ELMO1: variants seen among roughly 807,000 people sequenced by gnomAD.
ELMO1 encodes engulfment and cell motility protein 1.
ELMO1 carries 26 observed loss-of-function variants against 98.9 expected under a neutral mutation model. That is an observed-to-expected ratio of 0.26 (90% confidence interval 0.19 to 0.36). The LOEUF is 0.36. Ranked by LOEUF, ELMO1 falls within the 10% of genes least tolerant of loss-of-function variation. The probability of loss-of-function intolerance (pLI) is 1.00; values close to 1 mark genes in which losing one functional copy is unlikely to be tolerated. For missense variants in ELMO1, 627 were observed against 935.2 expected (o/e 0.67, Z 4.30); for synonymous variants, 346 against 346.0 (o/e 1.00, Z 0.00).
At chr7:37,058,571 C>T (rs1796510248) in intron 15 of ELMO1, among the ~76,000 whole-genome samples, 1 of 152,066 alleles carries the variant, frequency 6.6e-6, no homozygotes, top group African/African-American at 2.4e-5. Context: ...GAGGTACTGA[C>T]GCGAAATGAT....
intron 1 of ELMO1, among the ~76,000 whole-genome samples, chr7:37,423,388 T>G (rs999462994): frequency 6.6e-6 from 1 of 152,186 alleles, no homozygotes; most frequent in African/African-American, 2.4e-5. Context: ...GAGACCAGCC[T>G]GGCCAACATG....
At chr7:37,157,221 G>C (rs573854016) in intron 13 of ELMO1, among the ~76,000 whole-genome samples, 65 of 152,232 alleles carry the variant, frequency 4.3e-4, no homozygotes, top group African/African-American at 1.5e-3. Context: ...ACTGAATGGG[G>C]AAAAACTGGA....
intron 4 of ELMO1, among the ~76,000 whole-genome samples, chr7:37,303,503 A>G (rs996055193): frequency 6.6e-6 from 1 of 152,208 alleles, no homozygotes; most frequent in Non-Finnish European, 1.5e-5. Flanking sequence ...GTATGCTTAG[A>G]AGATCTGCAA....
intron 13 of ELMO1, among the ~76,000 whole-genome samples, chr7:37,192,968 G>GATAT (rs1791712338): frequency 4.2e-5 from 4 of 94,228 alleles, no homozygotes; most frequent in Non-Finnish European, 6.0e-5. Context: ...ATATATATAG[G>GATAT]AGATATATAT....
At chr7:37,204,291 G>A (rs541442563) in intron 13 of ELMO1, 18 of 449,002 alleles carry the variant, frequency 4.0e-5, no homozygotes, top group Admixed American at 3.8e-4. Context: ...TCCTTCTGAT[G>A]TTCGGACATG....
intron 4 of ELMO1, among the ~76,000 whole-genome samples, chr7:37,276,346 A>T (rs1431290402): frequency 6.6e-6 from 1 of 152,134 alleles, no homozygotes; most frequent in Non-Finnish European, 1.5e-5. Flanking sequence ...CGGTGGCTCA[A>T]GCCTGTAATC....
intron 13 of ELMO1, among the ~76,000 whole-genome samples, chr7:37,181,159 A>T (rs1268674840): frequency 6.6e-6 from 1 of 152,180 alleles, no homozygotes; most frequent in African/African-American, 2.4e-5. Flanking sequence ...CAGGGGTCAC[A>T]GTTGCCTGGA....
chr7:37,351,982 C>T (rs1323355767), intron 1 of ELMO1, among the ~76,000 whole-genome samples: 1 of 152,206 alleles, frequency 6.6e-6, no homozygotes, highest in Non-Finnish European at 1.5e-5. Context: ...ATTTCCCACA[C>T]AGCACCGCTT....
At chr7:36,955,547 T>G (rs1788374169) in intron 16 of ELMO1, among the ~76,000 whole-genome samples, 1 of 152,200 alleles carries the variant, frequency 6.6e-6, no homozygotes, top group African/African-American at 2.4e-5. Context: ...TCTTGGAGTA[T>G]GTAAGTATCA....
At chr7:36,959,688 A>AT (rs1334594714) in intron 16 of ELMO1, among the ~76,000 whole-genome samples, 1 of 152,032 alleles carries the variant, frequency 6.6e-6, no homozygotes, top group Admixed American at 6.5e-5. Context: ...CTAATTTTTT[A>AT]TTTTTTGAGA....
intron 13 of ELMO1, among the ~76,000 whole-genome samples, chr7:37,191,588 T>A (rs1206368788): frequency 1.3e-5 from 2 of 152,138 alleles, no homozygotes; most frequent in East Asian, 3.9e-4. Context: ...TATAGGAGAA[T>A]GTTTAGATAA....
chr7:37,100,569 C>T (rs1784585898), intron 14 of ELMO1, among the ~76,000 whole-genome samples: 1 of 152,252 alleles, frequency 6.6e-6, no homozygotes, highest in African/African-American at 2.4e-5. Flanking sequence ...CTCTCTTCCA[C>T]TCTCTGTTGA....
intron 13 of ELMO1, among the ~76,000 whole-genome samples, chr7:37,169,326 G>A (rs975547412): frequency 3.9e-5 from 6 of 152,142 alleles, no homozygotes; most frequent in South Asian, 2.1e-4. Flanking sequence ...GCTTCGGCTC[G>A]TGCATCGTGC....
intron 16 of ELMO1, among the ~76,000 whole-genome samples, chr7:36,941,370 A>C (rs1384574691): frequency 6.6e-6 from 1 of 152,222 alleles, no homozygotes; most frequent in African/African-American, 2.4e-5. Flanking sequence ...TGTTTTTCAG[A>C]GTAAGCTCTG....
chr7:37,005,578 G>A (rs908045469), intron 16 of ELMO1, among the ~76,000 whole-genome samples: 1 of 151,306 alleles, frequency 6.6e-6, no homozygotes, highest in African/African-American at 2.4e-5. Flanking sequence ...TGTAATCTCA[G>A]CTATTTGGGA....
chr7:37,168,322 T>G (rs1206375232), intron 13 of ELMO1, among the ~76,000 whole-genome samples: 2 of 152,164 alleles, frequency 1.3e-5, no homozygotes, highest in Non-Finnish European at 2.9e-5. Context: ...GTCTGAAGCC[T>G]TCTTCTCTGA....
intron 7 of ELMO1, among the ~76,000 whole-genome samples, chr7:37,239,239 C>T (rs1208382856): frequency 6.6e-6 from 1 of 152,074 alleles, no homozygotes; most frequent in Non-Finnish European, 1.5e-5. Flanking sequence ...GACGTCGGCT[C>T]ACTGAAACCT....
At chr7:37,372,450 G>A (rs1012587843) in intron 1 of ELMO1, among the ~76,000 whole-genome samples, 1 of 152,022 alleles carries the variant, frequency 6.6e-6, no homozygotes, top group African/African-American at 2.4e-5. Flanking sequence ...TGAGTCCCTG[G>A]TATATACTAC....
At chr7:36,970,073 C>T (rs937721964) in intron 16 of ELMO1, among the ~76,000 whole-genome samples, 4 of 152,020 alleles carry the variant, frequency 2.6e-5, no homozygotes, top group Non-Finnish European at 4.4e-5. Context: ...TCTCCAGTCT[C>T]ATTCTCCATC....
Sources: allele counts gnomAD v4.1 joint callset (sites outside exome capture counted in the v4.1 genomes callset), GRCh38; gene constraint gnomAD v4.1.1; transcripts MANE v1.5; gene names NCBI Gene and HGNC (gene_info 2026-07-23, HGNC 2026-07-21).